SLC25A40: variants seen among roughly 807,000 people sequenced by gnomAD.
SLC25A40 encodes the protein solute carrier family 25 member 40, also known as mitochondrial glutathione transporter SLC25A40.
A neutral mutation model predicts 46.5 loss-of-function variants in SLC25A40; 41 were observed. The observed-to-expected ratio is 0.88, with a 90% CI of 0.69 to 1.14. SLC25A40 has a LOEUF of 1.14. Ranked by LOEUF, SLC25A40 falls within the 50% of genes most tolerant of loss-of-function variation. The pLI is 0.00. For synonymous variants in SLC25A40, 126 were observed against 127.5 expected (o/e 0.99, Z 0.08); for missense variants, 386 against 393.6 (o/e 0.98, Z 0.16).
intron 1 of SLC25A40, among the ~76,000 whole-genome samples, chr7:87,866,963 G>A (rs756403449): frequency 3.9e-5 from 6 of 152,236 alleles, no homozygotes. Flanking sequence ...AGCCTCCGAT[G>A]CTCTGGTCCC....
At position 87,836,243 on chromosome 7, in the gene SLC25A40, G is replaced by A. The variant is rs1239277785; in HGVS notation, c.*6C>T. ...ATAGTTGTTGTTTCAAGTTGAAACA[G>A]CATCACTAGTATTGCTGCCTTCGAA... On this transcript the variant is annotated 3_prime_UTR_variant, in exon 12 of 12. Transcript: ENST00000341119. 14 of 1,548,008 alleles carry A rather than the reference G, an allele frequency of 9.0e-6. No homozygotes were observed. Among genetic ancestry groups the A allele is most frequent in the African/African-American group, 1.4e-5 (1 of 71,904 alleles).
chr7:87,874,664 A>C (rs1838951107), intron 1 of SLC25A40, among the ~76,000 whole-genome samples: 1 of 152,154 alleles, frequency 6.6e-6, no homozygotes, highest in Non-Finnish European at 1.5e-5. Context: ...AAGGAGCTCT[A>C]CTCTGTGCCA....
At chr7:87,849,852 A>C in intron 6 of SLC25A40, 29 bp downstream of exon 6, 1 of 1,438,152 alleles carries the variant, frequency 7.0e-7, no homozygotes, top group South Asian at 1.3e-5. Flanking sequence ...ATCATTATTT[A>C]GTAGAAAAAA....
chr7:87,868,090 C>T (rs1838833763), intron 1 of SLC25A40, among the ~76,000 whole-genome samples: 1 of 152,114 alleles, frequency 6.6e-6, no homozygotes, highest in Non-Finnish European at 1.5e-5. Flanking sequence ...AGCAATATTT[C>T]TACCTTCAGG....
At chr7:87,844,813 A>T (rs909412736) in intron 8 of SLC25A40, among the ~76,000 whole-genome samples, 5 of 152,076 alleles carry the variant, frequency 3.3e-5, no homozygotes, top group Non-Finnish European at 5.9e-5. Context: ...GTGGGGGTAT[A>T]CCTATAACTA....
At chr7:87,867,873 G>A (rs79943609) in intron 1 of SLC25A40, among the ~76,000 whole-genome samples, 2,010 of 152,314 alleles carry the variant, frequency 0.013, 15 homozygotes, top group Non-Finnish European at 0.013. Flanking sequence ...GTCCTGAACA[G>A]GGGAAATCAC....
chr7:87,864,084 G>A (rs545201534), intron 1 of SLC25A40, among the ~76,000 whole-genome samples: 19 of 152,326 alleles, frequency 1.2e-4, no homozygotes, highest in Middle Eastern at 3.4e-3. Context: ...TTAGGGCTGT[G>A]TAGTTTAACT....
chr7:87,874,199 C>G (rs964778883), intron 1 of SLC25A40, among the ~76,000 whole-genome samples: 3 of 152,166 alleles, frequency 2.0e-5, no homozygotes, highest in Non-Finnish European at 4.4e-5. Flanking sequence ...TTGGAATTAC[C>G]ATCTTCAGTG....
Position 87,854,235 on chromosome 7 carries a change from T to C in SLC25A40, c.233A>G (p.Tyr78Cys). ...TCCCTGGAAATTTCCTGGCTTCTTA[T>C]ACCATAGTTTGTTGCCTCCCTCTTC... ...VCEEGGNKLW[Y>C]KKPGNFQGTL... The change falls in exon 5 of 12, where the codon TAT becomes TGT. Residue 78 changes from tyrosine to cysteine, a missense_variant. Tyr to Cys is a radical substitution (Grantham distance 194). Transcript: ENST00000341119. The C allele has an allele frequency of 6.2e-7, 1 of 1,612,916 alleles. No homozygotes were observed.
At chr7:87,846,559 A>C (rs1021693649) in intron 8 of SLC25A40, among the ~76,000 whole-genome samples, 10 of 152,190 alleles carry the variant, frequency 6.6e-5, no homozygotes, top group Non-Finnish European at 1.0e-4. Context: ...TAACTGAAAA[A>C]GTAGGAGCCC....
chr7:87,871,670 T>C (rs901928148), intron 1 of SLC25A40, among the ~76,000 whole-genome samples: 2 of 152,360 alleles, frequency 1.3e-5, no homozygotes, highest in South Asian at 2.1e-4. Flanking sequence ...CATTTACTCA[T>C]GATGTTTTAT....
chr7:87,847,148 A>G (rs779085365), intron 7 of SLC25A40, 26 bp from the exon 8 acceptor site: 35 of 1,547,196 alleles, frequency 2.3e-5, no homozygotes, highest in Non-Finnish European at 3.0e-5. Flanking sequence ...TAAAAAAAAG[A>G]AAACAAAAAT....
At chr7:87,866,756 A>ATAAGT (rs1838807928) in intron 1 of SLC25A40, among the ~76,000 whole-genome samples, 3 of 152,314 alleles carry the variant, frequency 2.0e-5, no homozygotes, top group African/African-American at 7.2e-5. Context: ...TTCAGTCCCG[A>ATAAGT]TAAGTTAAAG....
At chr7:87,844,019 T>C in intron 8 of SLC25A40, 156 bp from the exon 9 acceptor site, 1 of 981,782 alleles carries the variant, frequency 1.0e-6, no homozygotes, top group Non-Finnish European at 1.2e-6. Context: ...GATTTCTTTT[T>C]TTAATGCAAA....
At chr7:87,861,075 T>G (rs961278285) in intron 1 of SLC25A40, among the ~76,000 whole-genome samples, 5 of 152,160 alleles carry the variant, frequency 3.3e-5, no homozygotes, top group Admixed American at 1.3e-4. Context: ...ACAACAAGCT[T>G]TAGGTCTAAC....
At chr7:87,848,911 T>C (rs778747027) in intron 6 of SLC25A40, among the ~76,000 whole-genome samples, 1 of 152,224 alleles carries the variant, frequency 6.6e-6, no homozygotes, top group Non-Finnish European at 1.5e-5. Flanking sequence ...ACTTTAAACC[T>C]TAAACATTGT....
intron 5 of SLC25A40, among the ~76,000 whole-genome samples, chr7:87,852,491 G>T (rs1838530536): frequency 6.6e-6 from 1 of 152,012 alleles, no homozygotes; most frequent in East Asian, 1.9e-4. Context: ...ATCTCTTGAG[G>T]CGTACAGATT....
At chr7:87,869,235 C>T (rs745860152) in intron 1 of SLC25A40, among the ~76,000 whole-genome samples, 2 of 152,108 alleles carry the variant, frequency 1.3e-5, no homozygotes, top group East Asian at 1.9e-4. Context: ...ATTGAAAACT[C>T]GCCCCTCTGG....
chr7:87,860,058 A>T (rs1176877335), intron 2 of SLC25A40: 1 of 152,106 alleles, frequency 6.6e-6, no homozygotes, highest in African/African-American at 2.4e-5. Flanking sequence ...TTAGCAGGGC[A>T]TGGTGGCGCA....
Sources: gnomAD v4.1 joint callset for allele counts (sites outside exome capture counted in the v4.1 genomes callset) on GRCh38, gnomAD v4.1.1 for gene constraint, MANE v1.5 for transcripts, NCBI Gene and HGNC (gene_info 2026-07-23, HGNC 2026-07-21) for gene names.